Variants in IMMP2L observed in about 807,000 individuals in gnomAD.
The protein encoded by IMMP2L is mitochondrial inner membrane protease subunit 2.
A neutral mutation model predicts 19.3 loss-of-function variants in IMMP2L; 18 were observed. That is an observed-to-expected ratio of 0.93 (90% CI 0.64 to 1.38). The LOEUF (loss-of-function observed/expected upper bound fraction) is 1.38, where lower values mean the gene tolerates loss of function less well. IMMP2L is among the 40% of genes most tolerant of loss of function. The probability of loss-of-function intolerance (pLI) is 0.00; values close to 1 mark genes in which losing one functional copy is unlikely to be tolerated. For missense variants in IMMP2L, 233 were observed against 218.2 expected (o/e 1.07, Z -0.43); for synonymous variants, 76 against 73.0 (o/e 1.04, Z -0.21).
chr7:110,994,884 G>A (rs983211978), intron 3 of IMMP2L, among the ~76,000 whole-genome samples: 1 of 152,032 alleles, frequency 6.6e-6, no homozygotes, highest in Non-Finnish European at 1.5e-5. Flanking sequence ...ATAGAAGAAA[G>A]GTTCAATTGA....
intron 2 of IMMP2L, among the ~76,000 whole-genome samples, chr7:111,490,434 C>T (rs1165489020): frequency 6.6e-6 from 1 of 151,782 alleles, no homozygotes; most frequent in East Asian, 1.9e-4. Flanking sequence ...TATTTTCTTA[C>T]ATCCGGGTTA....
At chr7:110,941,587 A>G (rs1473814201) in intron 4 of IMMP2L, among the ~76,000 whole-genome samples, 1 of 152,180 alleles carries the variant, frequency 6.6e-6, no homozygotes, top group Non-Finnish European at 1.5e-5. Flanking sequence ...CGAATGAGAG[A>G]CAAGGGGTTT....
At chr7:110,922,219 T>C (rs111501384) in intron 4 of IMMP2L, among the ~76,000 whole-genome samples, 2,769 of 152,290 alleles carry the variant, frequency 0.018, 88 homozygotes, top group African/African-American at 0.063. Context: ...GAAAGACTAG[T>C]GGTCTGGAGA....
At chr7:111,142,003 G>A (rs904543609) in intron 3 of IMMP2L, among the ~76,000 whole-genome samples, 1 of 152,138 alleles carries the variant, frequency 6.6e-6, no homozygotes, top group African/African-American at 2.4e-5. Flanking sequence ...TGTGCCTAAA[G>A]ATCAGTATTC....
chr7:111,019,016 A>C (rs1826010405), intron 3 of IMMP2L, among the ~76,000 whole-genome samples: 1 of 151,634 alleles, frequency 6.6e-6, no homozygotes, highest in East Asian at 1.9e-4. Flanking sequence ...ATAACTTCTA[A>C]ATAGAGGATA....
intron 3 of IMMP2L, among the ~76,000 whole-genome samples, chr7:111,384,768 C>T (rs982455392): frequency 1.3e-5 from 2 of 152,070 alleles, no homozygotes; most frequent in African/African-American, 4.8e-5. Context: ...GAGTTGTCCC[C>T]ATTCATTTCA....
chr7:110,949,609 C>T (rs1462016911), intron 4 of IMMP2L, among the ~76,000 whole-genome samples: 3 of 151,998 alleles, frequency 2.0e-5, no homozygotes, highest in Non-Finnish European at 4.4e-5. Context: ...TTATGTGTTG[C>T]CTATGGTTGT....
In IMMP2L at chr7:111,041,066, AT is replaced by A. The variant is rs1791847889; in HGVS notation, c.240-77502del. 2.0e-5 allele frequency among the ~76,000 whole-genome samples: 3 copies of A among 152,214 alleles called. No homozygotes were observed. The South Asian group carries it at 6.2e-4, about 32-fold the overall frequency. ...TTCTGAGTTATCATTCCCAGCTAGT[AT>A]TTTGGTATGATAATCTTCTAGAAGA... On this transcript the variant is annotated intron_variant, in intron 3 of 5. Coordinates refer to ENST00000405709, the MANE Select transcript of IMMP2L (RefSeq NM_032549.4).
At chr7:110,672,326 A>G (rs1791977158) in intron 5 of IMMP2L, among the ~76,000 whole-genome samples, 1 of 152,088 alleles carries the variant, frequency 6.6e-6, no homozygotes, top group African/African-American at 2.4e-5. Context: ...CCCATGATTC[A>G]ATTACCTCCT....
At chr7:110,677,349 T>C (rs1279509101) in intron 5 of IMMP2L, among the ~76,000 whole-genome samples, 1 of 152,188 alleles carries the variant, frequency 6.6e-6, no homozygotes, top group African/African-American at 2.4e-5. Context: ...TTAAAGCATA[T>C]AAATGATGCT....
chr7:111,480,597 C>CAAAAAAAAAAAAAAAAAAAAA (rs925037556), intron 3 of IMMP2L, among the ~76,000 whole-genome samples: 2 of 55,058 alleles, frequency 3.6e-5, no homozygotes, highest in African/African-American at 5.0e-5. Context: ...ATTTTACTGT[C>CAAAAAAAAAAAAAAAAAAAAA]AAAAAAAAAA....
At chr7:111,235,402 T>C (rs1163584211) in intron 3 of IMMP2L, among the ~76,000 whole-genome samples, 2 of 151,320 alleles carry the variant, frequency 1.3e-5, no homozygotes, top group Middle Eastern at 3.4e-3. Context: ...ACTTGGGAAG[T>C]GGAGGTCGCG....
chr7:110,948,611 TA>T (rs1318603134), intron 4 of IMMP2L, among the ~76,000 whole-genome samples: 1 of 152,236 alleles, frequency 6.6e-6, no homozygotes, highest in African/African-American at 2.4e-5. Context: ...CAATGAAATT[TA>T]GTATTCTTTT....
At chr7:111,119,137 C>G (rs1349713910) in intron 3 of IMMP2L, among the ~76,000 whole-genome samples, 1 of 152,098 alleles carries the variant, frequency 6.6e-6, no homozygotes, top group Non-Finnish European at 1.5e-5. Context: ...AGAAAGCAGA[C>G]CTAACGAATT....
chr7:110,941,435 T>C (rs1366875260), intron 4 of IMMP2L, among the ~76,000 whole-genome samples: 1 of 152,178 alleles, frequency 6.6e-6, no homozygotes. Context: ...TCCTTTTGCT[T>C]TACACAAACA....
intron 4 of IMMP2L, among the ~76,000 whole-genome samples, chr7:110,944,445 CAT>C (rs977117013): frequency 2.7e-5 from 4 of 147,674 alleles, no homozygotes; most frequent in African/African-American, 7.3e-5. Flanking sequence ...AGCTCAAGCA[CAT>C]AGAGTGTGTG....
chr7:111,487,419 G>C (rs568844261), intron 2 of IMMP2L, 78 bp from the exon 3 acceptor site: 3 of 820,108 alleles, frequency 3.7e-6, no homozygotes, highest in South Asian at 2.9e-5. Context: ...CACAGCTCGA[G>C]TGGACTGAAA....
chr7:110,941,949 T>G (rs1305300568), intron 4 of IMMP2L, among the ~76,000 whole-genome samples: 1 of 150,960 alleles, frequency 6.6e-6, no homozygotes, highest in Non-Finnish European at 1.5e-5. Flanking sequence ...CTTTAGTACA[T>G]TTAAAAAGAA....
rs983814347 is a variant in IMMP2L, at chr7:111,263,589, C to G, written c.239+223649G>C. On this transcript the variant is annotated intron_variant, in intron 3 of 5. Coordinates refer to ENST00000405709, the MANE Select transcript of IMMP2L (RefSeq NM_032549.4). ...GAGTCTGGATATATAGGAAAGAAGT[C>G]TGGGATAGACAGATAAATTTGGGAG... 5.9e-5 allele frequency among the ~76,000 whole-genome samples: 9 copies of G among 152,006 alleles called. 1 individual carries two copies. The highest frequency in any genetic ancestry group is 4.6e-4 in the Admixed American group (7 of 15,248).
Sources: gnomAD v4.1 joint callset for allele counts (sites outside exome capture counted in the v4.1 genomes callset) on GRCh38, gnomAD v4.1.1 for gene constraint, MANE v1.5 for transcripts, NCBI Gene and HGNC (gene_info 2026-07-23, HGNC 2026-07-21) for gene names.